The following CFAP52 variants were observed in gnomAD, a reference collection of about 807,000 sequenced individuals.
CFAP52 encodes cilia- and flagella-associated protein 52.
Under a neutral mutation model 70.5 loss-of-function variants are expected in CFAP52, and 57 were observed. The observed-to-expected ratio is 0.81, with a 90% CI of 0.65 to 1.01. The LOEUF is 1.01. Among genes scored for constraint, CFAP52 ranks in the 50% least tolerant of loss-of-function variants. The pLI is 0.00. For synonymous variants in CFAP52, 267 were observed against 292.5 expected, an observed-to-expected ratio of 0.91 and a Z score of 0.89; for missense variants, 785 against 788.5, an observed-to-expected ratio of 1.00 and a Z score of 0.05.
chr17:9,639,054 G>C, intron 12 of CFAP52: 1 of 233,676 alleles, frequency 4.3e-6, no homozygotes, highest in South Asian at 9.2e-5. Context: ...TGCCCAAACC[G>C]GTTATCACTT....
chr17:9,607,124 T>C (rs1909521134), intron 6 of CFAP52, among the ~76,000 whole-genome samples: 2 of 152,162 alleles, frequency 1.3e-5, no homozygotes, highest in Non-Finnish European at 2.9e-5. Flanking sequence ...GGCAGGAGGA[T>C]CACTTCAGGT....
chr17:9,577,339 G>A (rs1908004685), intron 1 of CFAP52, among the ~76,000 whole-genome samples: 3 of 152,338 alleles, frequency 2.0e-5, no homozygotes, highest in Middle Eastern at 6.8e-3. Flanking sequence ...AGAAGGGGAA[G>A]GGGACGCCAG....
intron 4 of CFAP52, among the ~76,000 whole-genome samples, chr17:9,594,979 C>T (rs1039277957): frequency 1.3e-5 from 2 of 149,948 alleles, no homozygotes; most frequent in East Asian, 2.0e-4. Flanking sequence ...CAACCTCCAC[C>T]TCCCGGGTTC....
rs541312175 is a variant in CFAP52 at position 9,629,240 on chromosome 17, T to G, written c.1174+420T>G. The stretch of plus-strand genomic sequence containing the variant: ...TTATTTTATGCCATTTAGCATAAAT[T>G]ATAGGCAGCGTGATATTCCACCTCT... On this transcript the variant is annotated intron_variant, in intron 9 of 13. Coordinates refer to ENST00000352665, the MANE Select transcript of CFAP52 (RefSeq NM_145054.5). Among the ~76,000 whole-genome samples the G allele has an allele frequency of 2.6e-5, 4 of 152,324 alleles. No homozygotes were observed. The South Asian group carries it at 8.3e-4, about 32-fold the overall frequency.
intron 3 of CFAP52, among the ~76,000 whole-genome samples, chr17:9,591,060 G>C (rs1908730128): frequency 1.3e-5 from 1 of 77,352 alleles, no homozygotes; most frequent in African/African-American, 5.0e-5. Flanking sequence ...TTTTTGAGAT[G>C]GAGTTTCACT....
intron 6 of CFAP52, among the ~76,000 whole-genome samples, chr17:9,601,463 A>T (rs73975740): frequency 6.6e-6 from 1 of 152,194 alleles, no homozygotes; most frequent in Non-Finnish European, 1.5e-5. Context: ...TCTTCAAAGC[A>T]TAGGGCCTAT....
chr17:9,632,103 G>T lies in CFAP52; in HGVS notation c.1175-785G>T, dbSNP rs549861851. Among the ~76,000 whole-genome samples the T allele has an allele frequency of 4.0e-5, 6 of 148,760 alleles. No homozygotes were observed. The East Asian group carries it at 1.2e-3, about 30-fold the overall frequency. ...TTTTTTTTTTCTTTTTTTGAGACAGGGTCTTGCTCTGTTGCCCAGGCTGAA... is the reference window on the plus strand; with the variant it reads ...TTTTTTTTTTCTTTTTTTGAGACAGTGTCTTGCTCTGTTGCCCAGGCTGAA... On this transcript the variant is annotated intron_variant, in intron 9 of 13. Transcript: ENST00000352665.
chr17:9,631,058 GAA>G (rs1188141139), intron 9 of CFAP52, among the ~76,000 whole-genome samples: 26 of 115,742 alleles, frequency 2.2e-4, no homozygotes, highest in African/African-American at 4.4e-4. Context: ...GAGAGAGAAA[GAA>G]AGAAAGAAAG....
chr17:9,586,671 G>A, intron 2 of CFAP52, 27 bp from the exon 3 acceptor site: 2 of 1,588,466 alleles, frequency 1.3e-6, no homozygotes, highest in Non-Finnish European at 1.7e-6. Context: ...GCCTCCCTAT[G>A]ATCTGACGGT....
chr17:9,601,663 C>T (rs985128037), intron 6 of CFAP52, among the ~76,000 whole-genome samples: 29 of 152,194 alleles, frequency 1.9e-4, no homozygotes, highest in African/African-American at 7.0e-4. Flanking sequence ...TATTTACAGA[C>T]TTCCTAGCAA....
chr17:9,584,319 G>A, intron 1 of CFAP52: 2 of 1,290,094 alleles, frequency 1.6e-6, no homozygotes, highest in South Asian at 2.5e-5. Context: ...TACGGGAGTT[G>A]CCTGTGGAAA....
At chr17:9,578,780 A>AGGTG (rs1908082047) in intron 1 of CFAP52, among the ~76,000 whole-genome samples, 1 of 152,174 alleles carries the variant, frequency 6.6e-6, no homozygotes. Context: ...TCCTGACCTC[A>AGGTG]GGTGATCCAC....
In CFAP52 at chr17:9,643,146, G is replaced by A; in HGVS notation, c.1811G>A (p.Ser604Asn). ...RISPGNQYIV[S>N]VSADGAILRW... is the part of the protein sequence containing the mutation. Reference sequence around the variant, plus strand: ...AGTCCAGGAAATCAATATATTGTTAGTGTAAGTGCCGATGGAGCCATTTTG... The same window carrying A: ...AGTCCAGGAAATCAATATATTGTTAATGTAAGTGCCGATGGAGCCATTTTG... Residue 604 changes from serine to asparagine, a missense_variant, in exon 14 of 14, where the codon AGT becomes AAT. Coordinates refer to ENST00000352665, the MANE Select transcript of CFAP52 (RefSeq NM_145054.5). 1 of 1,613,292 alleles carries A rather than the reference G, an allele frequency of 6.2e-7. No homozygotes were observed. Among genetic ancestry groups the A allele is most frequent in the Non-Finnish European group, 8.5e-7 (1 of 1,179,732 alleles).
At chr17:9,597,555 A>C (rs1479243601) in intron 4 of CFAP52, 1 of 152,230 alleles carries the variant, frequency 6.6e-6, no homozygotes. Flanking sequence ...CTGTAATCCC[A>C]GCACTTTGGG....
chr17:9,597,557 C>G (rs2151934745), intron 4 of CFAP52: 1 of 152,286 alleles, frequency 6.6e-6, no homozygotes, highest in East Asian at 1.9e-4. Context: ...GTAATCCCAG[C>G]ACTTTGGGAG....
intron 3 of CFAP52, among the ~76,000 whole-genome samples, chr17:9,591,599 G>C (rs372877907): frequency 6.6e-6 from 1 of 152,094 alleles, no homozygotes; most frequent in Non-Finnish European, 1.5e-5. Context: ...GTGTTTGTGC[G>C]GGGTGCAGTG....
chr17:9,638,616 A>C lies in CFAP52; in HGVS notation c.1480A>C (p.Arg494=). The part of the protein sequence containing the change: ...TCIIWDLVRL[R]RNQMILANTL... ...TTTGAATCTACTTTCCAGGCGTCTC[A>C]GGAGGAATCAGATGATACTAGCCAA... The change falls in exon 12 of 14, where the codon AGG becomes CGG. Residue 494 remains arginine (R), a synonymous_variant. Coordinates refer to ENST00000352665, the MANE Select transcript of CFAP52 (RefSeq NM_145054.5). 1 of 1,614,134 alleles carries C rather than the reference A, an allele frequency of 6.2e-7. No individual in the cohort carries two copies. The highest frequency in any genetic ancestry group is 8.5e-7 in the Non-Finnish European group (1 of 1,179,996).
At chr17:9,626,478 C>A (rs1910238585) in intron 8 of CFAP52, among the ~76,000 whole-genome samples, 1 of 152,198 alleles carries the variant, frequency 6.6e-6, no homozygotes, top group African/African-American at 2.4e-5. Flanking sequence ...GATCCACTCA[C>A]CTTGGCCTCC....
At position 9,643,152 on chromosome 17, in the gene CFAP52, G is replaced by A. The variant is rs766012051; in HGVS notation, c.1817G>A (p.Ser606Asn). 6.2e-7 allele frequency: 1 copy of A among 1,612,940 alleles called. No individual in the cohort carries two copies. The highest frequency in any genetic ancestry group is 8.5e-7 in the Non-Finnish European group (1 of 1,179,576). The change falls in exon 14 of 14, where the codon AGT becomes AAT. Residue 606 changes from serine (S) to asparagine (N), a missense_variant. Physicochemically the swap from Ser to Asn is conservative, Grantham distance 46. Coordinates refer to ENST00000352665, the MANE Select transcript of CFAP52 (RefSeq NM_145054.5). ...GGAAATCAATATATTGTTAGTGTAA[G>A]TGCCGATGGAGCCATTTTGCGATGG... ...SPGNQYIVSVSADGAILRWKY... is the reference protein window; with the variant it reads ...SPGNQYIVSVNADGAILRWKY...
Sources: allele counts gnomAD v4.1 joint callset (sites outside exome capture counted in the v4.1 genomes callset), GRCh38; gene constraint gnomAD v4.1.1; transcripts MANE v1.5; gene names NCBI Gene and HGNC (gene_info 2026-07-23, HGNC 2026-07-21).